Variants in FIBP observed in about 807,000 individuals in gnomAD.
FIBP encodes the protein acidic fibroblast growth factor intracellular-binding protein.
FIBP carries 29 observed loss-of-function variants against 40.5 expected under a neutral mutation model. The observed-to-expected ratio is 0.72, with a 90% CI of 0.53 to 0.98. The LOEUF is 0.98. FIBP is among the 50% of genes least tolerant of loss of function. FIBP has a pLI of 0.00. For missense variants in FIBP, 411 were observed against 470.2 expected, an observed-to-expected ratio of 0.87 and a Z score of 1.16; for synonymous variants, 215 against 191.1, an observed-to-expected ratio of 1.13 and a Z score of -1.03.
intron 2 of FIBP, 84 bp from the exon 3 acceptor site, chr11:65,887,810 C>G (rs762418019): frequency 1.3e-6 from 2 of 1,596,796 alleles, no homozygotes; most frequent in African/African-American, 2.7e-5. Flanking sequence ...CTAGGTCTGA[C>G]CCCTTCCACT....
chr11:65,887,936 C>T lies in FIBP; in HGVS notation c.282G>A (p.Glu94=). 6.2e-7 allele frequency: 1 copy of T among 1,613,300 alleles called. No individual in the cohort carries two copies. Among genetic ancestry groups the T allele is most frequent in the Non-Finnish European group, 8.5e-7 (1 of 1,179,664 alleles). Residue 94 remains glutamate, a splice_region_variant and synonymous_variant, in exon 2 of 10, where the codon GAG becomes GAA. Coordinates refer to ENST00000357519, the MANE Select transcript of FIBP (RefSeq NM_004214.5). ...CCACCATCCCAGAGGGTGAGCACCT[C>T]TCGATGAGTAGTGCCTGCCGGGAGG... is the stretch of plus-strand genomic sequence containing the variant. The part of the protein sequence containing the change: ...IPPSRQALLI[E]RYYAFDEAFV...
At chr11:65,886,219 C>T in intron 4 of FIBP, 103 bp downstream of exon 4, 1 of 700,340 alleles carries the variant, frequency 1.4e-6, no homozygotes, top group South Asian at 1.6e-5. Flanking sequence ...ATAATCATTC[C>T]CCCAGCATAC....
rs1165717631 is a variant in FIBP at position 65,883,877 on chromosome 11, A to C, written c.*97T>G. 4 of 1,054,844 alleles carry C rather than the reference A, an allele frequency of 3.8e-6. No individual in the cohort carries two copies. The Admixed American group carries it at 6.1e-5, about 16-fold the overall frequency. 65.3% of individuals were successfully genotyped at this position (1,054,844 alleles called of 1,614,324 possible). A position where few individuals can be genotyped will look rare whatever the true frequency, so the allele number is the denominator to read the frequency against. Reference sequence around the variant, plus strand: ...CAGGTGCTCAGAGACAGACACAGGCACATCTGCACGCCCCCCACTTGCTCC... The same window carrying C: ...CAGGTGCTCAGAGACAGACACAGGCCCATCTGCACGCCCCCCACTTGCTCC... On this transcript the variant is annotated 3_prime_UTR_variant, in exon 10 of 10. Transcript: ENST00000357519.
At chr11:65,886,945 T>C (rs1281667289) in intron 3 of FIBP, 1 of 168,198 alleles carries the variant, frequency 5.9e-6, no homozygotes, top group Non-Finnish European at 1.3e-5. Context: ...AGAAGCAACA[T>C]GAGTAAAGGA....
At chr11:65,884,073 T>G in intron 9 of FIBP, 30 bp from the exon 10 acceptor site, 2 of 1,571,488 alleles carry the variant, frequency 1.3e-6, no homozygotes, top group Non-Finnish European at 1.7e-6. Flanking sequence ...GACAGCTGAG[T>G]TTTCACAACA....
intron 3 of FIBP, chr11:65,887,388 G>A (rs1220393042): frequency 1.7e-6 from 1 of 582,456 alleles, no homozygotes; most frequent in African/African-American, 1.9e-5. Flanking sequence ...GGAGGTTGCA[G>A]TGAGCTGAGG....
In FIBP at chr11:65,883,936, A is replaced by G; in HGVS notation, c.*38T>C. ...AGGACCAGTCTCCAAACTCAGAGCA[A>G]CTTTATTGTCAGCGTGGGCGGAGCG... On this transcript the variant is annotated 3_prime_UTR_variant, in exon 10 of 10. Transcript: ENST00000357519. The G allele has an allele frequency of 6.3e-7, 1 of 1,598,754 alleles. No individual in the cohort carries two copies. The highest frequency in any genetic ancestry group is 8.6e-7 in the Non-Finnish European group (1 of 1,167,648).
chr11:65,885,964 G>A, intron 4 of FIBP: 1 of 436,618 alleles, frequency 2.3e-6, no homozygotes, highest in Non-Finnish European at 4.1e-6. Context: ...CAACAGCCCA[G>A]CTGGAAATCG....
At position 65,884,361 on chromosome 11, in the gene FIBP, C is replaced by T. The variant is rs769087439; in HGVS notation, c.1004+31G>A. The stretch of plus-strand genomic sequence containing the variant: ...TGGCAGGTGGCAGGCTGGGGCAAAG[C>T]CAAGCTGGACAGGAGGACAGGGCTG... On this transcript the variant is annotated intron_variant, in intron 9 of 9. Coordinates refer to ENST00000357519, the MANE Select transcript of FIBP (RefSeq NM_004214.5). 33 of 1,603,184 alleles carry T rather than the reference C, an allele frequency of 2.1e-5. No individual in the cohort carries two copies. In the Admixed American group the frequency reaches 5.4e-4, roughly 26 times the overall value.
At chr11:65,884,536 A>T (rs1002893945) in intron 8 of FIBP, 34 bp downstream of exon 8, 3 of 1,613,932 alleles carry the variant, frequency 1.9e-6, no homozygotes, top group Non-Finnish European at 2.5e-6. Context: ...CCAGGGACAG[A>T]CCAGGTTGGG....
At chr11:65,886,231 CAG>C in intron 4 of FIBP, 89 bp downstream of exon 4, 1 of 774,090 alleles carries the variant, frequency 1.3e-6, no homozygotes, top group South Asian at 1.4e-5. Context: ...CCAGCATACT[CAG>C]GAGGTCAGAA....
chr11:65,888,248 A>T (rs1007226644), intron 1 of FIBP, 86 bp downstream of exon 1: 15 of 1,477,352 alleles, frequency 1.0e-5, no homozygotes, highest in Non-Finnish European at 1.4e-5. Flanking sequence ...CACTTCCCTA[A>T]AGGATGCCCA....
intron 2 of FIBP, 48 bp from the exon 3 acceptor site, chr11:65,887,774 G>A (rs1288637667): frequency 6.5e-7 from 1 of 1,547,002 alleles, no homozygotes; most frequent in South Asian, 1.1e-5. Flanking sequence ...AGACAGGAAA[G>A]GGAGTCTGGC....
intron 4 of FIBP, chr11:65,885,979 A>C (rs1335540221): frequency 2.3e-6 from 1 of 442,226 alleles, no homozygotes; most frequent in Non-Finnish European, 4.1e-6. Flanking sequence ...AAATCGCTGG[A>C]CTGTGCTTTG....
rs771515201 is a variant in FIBP at position 65,888,056 on chromosome 11, G to A, written c.162C>T (p.Ser54=). ...AGGTGCGGTAATGGTCCATGGTGTC[G>A]CTCTGCAGCACCGCTGCCGTGGCGC... ...QTGATAAVLQ[S]DTMDHYRTFH... is the part of the protein sequence containing the mutation. The change falls in exon 2 of 10, where the codon AGC becomes AGT. Residue 54 remains serine, a synonymous_variant. Transcript: ENST00000357519. 1.9e-5 allele frequency: 30 copies of A among 1,609,930 alleles called. No homozygotes were observed. The highest frequency in any genetic ancestry group is 2.4e-5 in the Non-Finnish European group (28 of 1,178,978).
At chr11:65,884,249 G>T in intron 9 of FIBP, 143 bp downstream of exon 9, 1 of 813,506 alleles carries the variant, frequency 1.2e-6, no homozygotes. Context: ...CTTCTAAGAG[G>T]GAGAGCCAGA....
intron 5 of FIBP, 55 bp from the exon 6 acceptor site, chr11:65,885,241 C>T: frequency 1.5e-6 from 2 of 1,330,730 alleles, no homozygotes; most frequent in Non-Finnish European, 2.2e-6. Flanking sequence ...CCTGTGATAG[C>T]CTAAGCCTTT....
In FIBP at chr11:65,888,092, C is replaced by T. The variant is rs371916142; in HGVS notation, c.126G>A (p.Leu42=). The T allele has an allele frequency of 5.6e-5, 90 of 1,600,392 alleles. No individual in the cohort carries two copies. Among genetic ancestry groups the T allele is most frequent in the Admixed American group, 1.7e-5 (1 of 58,684 alleles). The stretch of plus-strand genomic sequence containing the variant: ...CCGCTGCCGTGGCGCCAGTCTGCTC[C>T]AGGATTCCCGAGCGCACCCGCAGGG... ...AVALRVRSGI[L]EQTGATAAVL... The change falls in exon 2 of 10, where the codon CTG becomes CTA. Residue 42 remains leucine, a synonymous_variant. Coordinates refer to ENST00000357519, the MANE Select transcript of FIBP (RefSeq NM_004214.5).
chr11:65,884,284 C>A (rs1265118550), intron 9 of FIBP, 108 bp downstream of exon 9: 2 of 1,070,350 alleles, frequency 1.9e-6, no homozygotes, highest in East Asian at 5.2e-5. Flanking sequence ...ACTTTGGTCC[C>A]ACCCCCAGGG....
Sources: gnomAD v4.1 joint callset for allele counts on GRCh38, gnomAD v4.1.1 for gene constraint, MANE v1.5 for transcripts, NCBI Gene and HGNC (gene_info 2026-07-23, HGNC 2026-07-21) for gene names.